Variants in SLC16A5 observed in about 807,000 individuals in gnomAD.
SLC16A5 encodes monocarboxylate transporter 6.
A neutral mutation model predicts 33.2 loss-of-function variants in SLC16A5; 29 were observed. The ratio of observed to expected loss-of-function variants is 0.87; its 90% CI spans 0.65 to 1.19. SLC16A5 has a LOEUF of 1.19. Ranked by LOEUF, SLC16A5 falls within the 50% of genes most tolerant of loss-of-function variation. The pLI is 0.00. For missense variants in SLC16A5, 606 were observed against 678.2 expected, an observed-to-expected ratio of 0.89 and a Z score of 1.18; for synonymous variants, 248 against 284.1, an observed-to-expected ratio of 0.87 and a Z score of 1.28.
intron 3 of SLC16A5, among the ~76,000 whole-genome samples, chr17:75,096,781 C>A (rs1335581892): frequency 6.6e-6 from 1 of 151,004 alleles, no homozygotes; most frequent in Non-Finnish European, 1.5e-5. Context: ...ATCCACCTGC[C>A]TCGGCCTCCC....
At chr17:75,109,990 G>A, downstream of SLC16A5, 1 of 343,938 alleles carries the variant, frequency 2.9e-6, no homozygotes, top group Non-Finnish European at 5.4e-6. This position sits in a 1 kb window ranked among gnomAD's most constrained non-coding sequence, Gnocchi z 5.0. Flanking sequence ...CAGGAGCCGG[G>A]GACGGTGCGC....
intron 3 of SLC16A5, among the ~76,000 whole-genome samples, chr17:75,096,279 C>T (rs1015395866): frequency 2.0e-5 from 3 of 151,756 alleles, no homozygotes; most frequent in East Asian, 3.9e-4. Context: ...CCCTGTGTCC[C>T]GCCCGGCCAC....
At chr17:75,093,903 CCTT>C in intron 3 of SLC16A5, 68 bp downstream of exon 3, 1 of 1,550,674 alleles carries the variant, frequency 6.4e-7, no homozygotes, top group Non-Finnish European at 8.7e-7. Flanking sequence ...ACCTCCCTGG[CCTT>C]CTGATTCCCT....
At chr17:75,107,883 G>C (rs1258368711), downstream of SLC16A5, among the ~76,000 whole-genome samples, 1 of 152,084 alleles carries the variant, frequency 6.6e-6, no homozygotes, top group Admixed American at 6.6e-5. Flanking sequence ...CTTCCAGTGA[G>C]CTGAGATCGC....
At chr17:75,102,985 G>A (rs139368932) in intron 5 of SLC16A5, among the ~76,000 whole-genome samples, 18 of 152,258 alleles carry the variant, frequency 1.2e-4, no homozygotes, top group Admixed American at 6.5e-4. Flanking sequence ...CTGCCTCCTG[G>A]GTTCAAGCAA....
chr17:75,094,247 C>T (rs1479379252), intron 3 of SLC16A5, among the ~76,000 whole-genome samples: 3 of 152,250 alleles, frequency 2.0e-5, no homozygotes, highest in African/African-American at 4.8e-5. Context: ...TCCTGCCCAG[C>T]TCCCACATGG....
chr17:75,104,051 T>G lies in SLC16A5; in HGVS notation c.1235T>G (p.Met412Arg). Reference protein sequence around the residue: ...SFFLISAALFMGGSFYALQKK... With the variant: ...SFFLISAALFRGGSFYALQKK... ...TTCCTCATCTCAGCTGCCCTCTTCA[T>G]GGGTGGCAGCTTCTACGCCCTGCAG... The change falls in exon 6 of 7, where the codon ATG becomes AGG. Residue 412 changes from methionine to arginine, a missense_variant. Coordinates refer to ENST00000329783, the MANE Select transcript of SLC16A5 (RefSeq NM_004695.4). The G allele has an allele frequency of 6.2e-7, 1 of 1,614,192 alleles. No homozygotes were observed.
At chr17:75,093,477 T>C in intron 2 of SLC16A5, 112 bp from the exon 3 acceptor site, 1 of 1,536,292 alleles carries the variant, frequency 6.5e-7, no homozygotes, top group Non-Finnish European at 8.7e-7. Context: ...CTGTGACACC[T>C]GGTACTTGGG....
At chr17:75,107,258 C>G (rs2073870583), downstream of SLC16A5, among the ~76,000 whole-genome samples, 1 of 151,942 alleles carries the variant, frequency 6.6e-6, no homozygotes, top group Non-Finnish European at 1.5e-5. Flanking sequence ...TGTGATCACA[C>G]CACTGCACTC....
At chr17:75,089,969 C>A (rs115001574) in intron 2 of SLC16A5, 1 of 150,508 alleles carries the variant, frequency 6.6e-6, no homozygotes, top group South Asian at 2.1e-4. Context: ...TACCTTTGCA[C>A]CCGCCTAAGG....
downstream of SLC16A5, chr17:75,110,086 G>A (rs1047123938): frequency 1.7e-6 from 1 of 578,790 alleles, no homozygotes; most frequent in South Asian, 2.2e-5. Context: ...ACTCCTACAG[G>A]ATTCTGAGAC....
At chr17:75,092,836 TG>T in intron 2 of SLC16A5, among the ~76,000 whole-genome samples, 1 of 142,594 alleles carries the variant, frequency 7.0e-6, no homozygotes, top group Non-Finnish European at 1.6e-5. Flanking sequence ...TGTGTGTGTG[TG>T]TGTGTGTGTG....
intron 5 of SLC16A5, among the ~76,000 whole-genome samples, chr17:75,102,645 TTAGAG>T (rs1300668825): frequency 6.6e-6 from 1 of 152,152 alleles, no homozygotes; most frequent in East Asian, 1.9e-4. Context: ...GCGGCGGTTA[TTAGAG>T]TAGATCCGGG....
At position 75,100,504 on chromosome 17, in the gene SLC16A5, G is replaced by T; in HGVS notation, c.841G>T (p.Gly281Cys). 1.2e-6 allele frequency: 2 copies of T among 1,614,196 alleles called. No individual in the cohort carries two copies. The highest frequency in any genetic ancestry group is 1.7e-6 in the Non-Finnish European group (2 of 1,180,028). ...GGCAGCCCTCCTCATCTCCATCATC[G>T]GCTTCAGCAACATCTTCCTGAGGCC... ...QQAALLISII[G>C]FSNIFLRPLA... Residue 281 changes from glycine to cysteine, a missense_variant, in exon 5 of 7, where the codon GGC becomes TGC. Transcript: ENST00000329783.
rs1374331897 is a variant in SLC16A5 at position 75,100,932 on chromosome 17, G to A, written c.1153+116G>A. On this transcript the variant is annotated intron_variant, in intron 5 of 6. Coordinates refer to ENST00000329783, the MANE Select transcript of SLC16A5 (RefSeq NM_004695.4). ...TGTGCTACAGCTGGTTTCCAACCTGGCACTCAGAGTATGAACAGTTAAAAA... is the reference window on the plus strand; with the variant it reads ...TGTGCTACAGCTGGTTTCCAACCTGACACTCAGAGTATGAACAGTTAAAAA... 8 of 1,043,594 alleles carry A rather than the reference G, an allele frequency of 7.7e-6. No individual in the cohort carries two copies. The Admixed American group carries it at 1.7e-4, about 22-fold the overall frequency. The allele number at this position is 1,043,594 out of a possible 1,614,324, so 64.6% of individuals were successfully genotyped here.
At chr17:75,097,897 G>A in intron 3 of SLC16A5, 141 bp from the exon 4 acceptor site, 3 of 922,486 alleles carry the variant, frequency 3.3e-6, no homozygotes, top group Non-Finnish European at 4.7e-6. Context: ...GTCCATGGCA[G>A]GTGGGTATCA....
rs1302193009 is a variant in SLC16A5 at position 75,106,109 on chromosome 17, TAGG to T, written c.*80_*82del. ...TGACCACCTCTGAGCCTTGAAAAAG[TAGG>T]AGGTTACTTTGTTAGAGCAAAATAA... is the stretch of plus-strand genomic sequence containing the variant. On this transcript the variant is annotated 3_prime_UTR_variant, in exon 7 of 7. Transcript: ENST00000329783. The T allele has an allele frequency of 7.7e-6, 5 of 646,364 alleles. No homozygotes were observed. The highest frequency in any genetic ancestry group is 3.9e-4 in the Middle Eastern group (1 of 2,564). The allele number at this position is 646,364 out of a possible 1,614,324, so 40.0% of individuals were successfully genotyped here.
In SLC16A5 at chr17:75,093,578, C is replaced by T; in HGVS notation, c.-48-11C>T. ...TGCTGACCACCAGGCTCCATTCTGTCCCCTCCCCAGGCAGCAGCCACATTG... is the reference window on the plus strand; with the variant it reads ...TGCTGACCACCAGGCTCCATTCTGTTCCCTCCCCAGGCAGCAGCCACATTG... On this transcript the variant is annotated splice_polypyrimidine_tract_variant and intron_variant, in intron 2 of 6. Transcript: ENST00000329783. 2 of 1,566,446 alleles carry T rather than the reference C, an allele frequency of 1.3e-6. No homozygotes were observed. Among genetic ancestry groups the T allele is most frequent in the African/African-American group, 1.3e-5 (1 of 74,156 alleles).
chr17:75,092,121 G>A (rs1041763517), intron 2 of SLC16A5, among the ~76,000 whole-genome samples: 1 of 151,888 alleles, frequency 6.6e-6, no homozygotes, highest in Non-Finnish European at 1.5e-5. Flanking sequence ...GTGACTCTGA[G>A]CATGTATGCA....
Sources: gnomAD v4.1 joint callset for allele counts (sites outside exome capture counted in the v4.1 genomes callset) on GRCh38, gnomAD v4.1.1 for gene constraint, Gnocchi (gnomAD v3.1) non-coding constraint, MANE v1.5 for transcripts, NCBI Gene and HGNC (gene_info 2026-07-23, HGNC 2026-07-21) for gene names.